Variants in ZFP30 observed in about 807,000 individuals in gnomAD.
The protein encoded by ZFP30 is zinc finger protein 30 homolog.
Under a neutral mutation model 12.3 loss-of-function variants are expected in ZFP30, and 16 were observed. The observed-to-expected ratio is 1.30, with a 90% CI of 0.88 to 1.98. The LOEUF is 1.98. Ranked by LOEUF, ZFP30 falls within the 30% of genes most tolerant of loss-of-function variation. ZFP30 has a pLI of 0.00. For synonymous variants in ZFP30, 172 were observed against 201.0 expected, an observed-to-expected ratio of 0.86 and a Z score of 1.22; for missense variants, 560 against 611.2, an observed-to-expected ratio of 0.92 and a Z score of 0.88.
chr19:37,636,073 T>C lies in ZFP30; in HGVS notation c.468A>G (p.Lys156=). 1 of 1,614,194 alleles carries C rather than the reference T, an allele frequency of 6.2e-7. No homozygotes were observed. Among genetic ancestry groups the C allele is most frequent in the East Asian group, 2.2e-5 (1 of 44,882 alleles). ...PLYQKSHNRE[K]PYECGECGKA... ...TCCCACATTCCCCACATTCGTAGGG[T>C]TTCTCTCTGTTATGACTTTTCTGAT... The change falls in exon 6 of 6, where the codon AAA becomes AAG. Residue 156 remains lysine, a synonymous_variant. Coordinates refer to ENST00000684514, the MANE Select transcript of ZFP30 (RefSeq NM_001320669.3).
chr19:37,638,082 A>C (rs1034838066), intron 5 of ZFP30, among the ~76,000 whole-genome samples: 8 of 152,212 alleles, frequency 5.3e-5, no homozygotes, highest in Non-Finnish European at 1.0e-4. Flanking sequence ...CTATCTCAGT[A>C]AAATATATAA....
intron 5 of ZFP30, among the ~76,000 whole-genome samples, chr19:37,641,869 A>G (rs565052049): frequency 6.6e-6 from 1 of 152,324 alleles, no homozygotes; most frequent in Non-Finnish European, 1.5e-5. Context: ...TATTTGTTGA[A>G]GAACCTGTTT....
rs1211832151 is a variant in ZFP30 at position 37,635,467 on chromosome 19, T to C, written c.1074A>G (p.Glu358=). 1 of 1,614,174 alleles carries C rather than the reference T, an allele frequency of 6.2e-7. No homozygotes were observed. ...HTGEKPYDCK[E]CGKTFSRGYH... is the part of the protein sequence containing the mutation. ...AGCCACGACTGAAAGTCTTCCCACATTCCTTACAATCATAAGGCTTCTCAC... is the reference window on the plus strand; with the variant it reads ...AGCCACGACTGAAAGTCTTCCCACACTCCTTACAATCATAAGGCTTCTCAC... The change falls in exon 6 of 6, where the codon GAA becomes GAG. Residue 358 remains glutamate (E), a synonymous_variant. Transcript: ENST00000684514.
At chr19:37,653,543 T>C (rs1026458495) in intron 2 of ZFP30, among the ~76,000 whole-genome samples, 8 of 152,202 alleles carry the variant, frequency 5.3e-5, no homozygotes, top group Non-Finnish European at 1.2e-4. Flanking sequence ...TTCTCAATAT[T>C]ACATTATACT....
At chr19:37,651,169 CT>C (rs1423735357) in intron 2 of ZFP30, among the ~76,000 whole-genome samples, 2 of 152,074 alleles carry the variant, frequency 1.3e-5, no homozygotes, top group Non-Finnish European at 2.9e-5. Context: ...TTGCATATGA[CT>C]TTTTTTTCTG....
Position 37,653,661 on chromosome 19 carries a change from G to A in ZFP30, c.-78+1051C>T, listed in dbSNP as rs867742327. ...ACTGCTAGATATTAATTTTATAAAAGAACATCCCGAAAGTCATTACCAGTT... is the reference window on the plus strand; with the variant it reads ...ACTGCTAGATATTAATTTTATAAAAAAACATCCCGAAAGTCATTACCAGTT... On this transcript the variant is annotated intron_variant, in intron 2 of 5. Transcript: ENST00000684514. Among the ~76,000 whole-genome samples the A allele has an allele frequency of 3.9e-5, 6 of 152,138 alleles. No homozygotes were observed. In the South Asian group the frequency reaches 1.2e-3, roughly 32 times the overall value.
In ZFP30 at chr19:37,635,123, T is replaced by C. The variant is rs1374313502; in HGVS notation, c.1418A>G (p.Lys473Arg). The change falls in exon 6 of 6, where the codon AAG (lysine) becomes AGG (arginine). Residue 473 changes from lysine to arginine, a missense_variant. Lys to Arg is a conservative substitution (Grantham distance 26, BLOSUM62 2). Transcript: ENST00000684514. The stretch of plus-strand genomic sequence containing the variant: ...CAGTGATGAATGAAGTCTAAAGGCC[T>C]TTCCACATTCCTTACAGTCATAGGG... Reference protein sequence around the residue: ...EKPYDCKECGKAFRLHSSLIQ... With the variant: ...EKPYDCKECGRAFRLHSSLIQ... 6.2e-7 allele frequency: 1 copy of C among 1,613,452 alleles called. No individual in the cohort carries two copies. Among genetic ancestry groups the C allele is most frequent in the Admixed American group, 1.7e-5 (1 of 59,944 alleles).
chr19:37,647,144 C>T (rs1440338882), intron 3 of ZFP30, among the ~76,000 whole-genome samples: 1 of 152,042 alleles, frequency 6.6e-6, no homozygotes, highest in South Asian at 2.1e-4. Flanking sequence ...CTATTTTAAT[C>T]CTGAGAATTT....
rs1269048845 is a variant in ZFP30, at chr19:37,636,074, TTC to T, written c.465_466del (p.Lys156ThrfsTer12). The T allele has an allele frequency of 5.6e-6, 9 of 1,614,086 alleles. No homozygotes were observed. In the Admixed American group the frequency reaches 6.7e-5, roughly 12 times the overall value. ...CCCACATTCCCCACATTCGTAGGGT[TTC>T]TCTCTGTTATGACTTTTCTGATACA... is the stretch of plus-strand genomic sequence containing the variant. On this transcript the variant is annotated frameshift_variant, in exon 6 of 6. Coordinates refer to ENST00000684514, the MANE Select transcript of ZFP30 (RefSeq NM_001320669.3). LOFTEE classifies it low-confidence loss of function (END_TRUNC).
intron 5 of ZFP30, among the ~76,000 whole-genome samples, chr19:37,642,720 A>C (rs1379121813): frequency 6.6e-6 from 1 of 152,090 alleles, no homozygotes; most frequent in Non-Finnish European, 1.5e-5. Context: ...GCTTTCCTCT[A>C]CTGAAATAGG....
chr19:37,640,863 T>C (rs1265173506), intron 5 of ZFP30, among the ~76,000 whole-genome samples: 1 of 152,122 alleles, frequency 6.6e-6, no homozygotes, highest in Non-Finnish European at 1.5e-5. Flanking sequence ...TTCTGGCTGA[T>C]ACAAGATTAT....
rs1450612850 is a variant in ZFP30, at chr19:37,636,188, T to C, written c.353A>G (p.Glu118Gly). Residue 118 changes from glutamate to glycine, a missense_variant, in exon 6 of 6, where the codon GAA (glutamate) becomes GGA (glycine). Glu to Gly is a moderately conservative substitution (Grantham distance 98). Coordinates refer to ENST00000684514, the MANE Select transcript of ZFP30 (RefSeq NM_001320669.3). ...RIKSCGLEEQESPHEVCFRQV... is the reference protein window; with the variant it reads ...RIKSCGLEEQGSPHEVCFRQV... Reference sequence around the variant, plus strand: ...CCTGAAACACACCTCATGAGGACTTTCTTGTTCTTCAAGTCCACAGCTTTT... The same window carrying C: ...CCTGAAACACACCTCATGAGGACTTCCTTGTTCTTCAAGTCCACAGCTTTT... 1.9e-6 allele frequency: 3 copies of C among 1,614,188 alleles called. No individual in the cohort carries two copies. Among genetic ancestry groups the C allele is most frequent in the African/African-American group, 1.3e-5 (1 of 75,070 alleles).
At chr19:37,656,050 G>A (rs932682402), upstream of ZFP30, 2 of 152,500 alleles carry the variant, frequency 1.3e-5, no homozygotes, top group Non-Finnish European at 2.9e-5. Flanking sequence ...AGTATCGCGA[G>A]CCTGGACCAA....
At chr19:37,655,791 C>T (rs2044747278), upstream of ZFP30, 1 of 151,966 alleles carries the variant, frequency 6.6e-6, no homozygotes, top group South Asian at 2.1e-4. Context: ...GGCTGCGAGC[C>T]CCGCCCCGCC....
chr19:37,650,192 C>T (rs1294063442), intron 2 of ZFP30, among the ~76,000 whole-genome samples: 1 of 151,580 alleles, frequency 6.6e-6, no homozygotes, highest in Non-Finnish European at 1.5e-5. Context: ...GATCTCAGCT[C>T]ACTGCAACCT....
intron 5 of ZFP30, among the ~76,000 whole-genome samples, chr19:37,640,699 C>T (rs1430250433): frequency 1.3e-5 from 2 of 150,714 alleles, no homozygotes; most frequent in Admixed American, 6.6e-5. Flanking sequence ...CCAGTCTGGG[C>T]AACATGGAGA....
intron 3 of ZFP30, among the ~76,000 whole-genome samples, chr19:37,646,251 C>T (rs1438251420): frequency 5.3e-5 from 8 of 152,026 alleles, no homozygotes; most frequent in African/African-American, 1.9e-4. Flanking sequence ...GGAATGTATC[C>T]CCCTTGGGTA....
chr19:37,648,595 G>A (rs1208629829), intron 2 of ZFP30, among the ~76,000 whole-genome samples: 6 of 152,180 alleles, frequency 3.9e-5, no homozygotes, highest in African/African-American at 1.4e-4. Flanking sequence ...CAACTTGCTA[G>A]GTCTCACTCC....
In ZFP30 at chr19:37,632,277, AGTGT is replaced by A. The variant is rs962910668; in HGVS notation, c.*2700_*2703del. 51 of 152,244 alleles carry A rather than the reference AGTGT, an allele frequency of 3.3e-4. No homozygotes were observed. Among genetic ancestry groups the A allele is most frequent in the African/African-American group, 1.2e-3 (48 of 41,558 alleles). The allele number at this position is 152,244 out of a possible 1,614,324, so 9.4% of individuals were successfully genotyped here. A position where few individuals can be genotyped will look rare whatever the true frequency, so the allele number is the denominator to read the frequency against. The stretch of plus-strand genomic sequence containing the variant: ...TTTCAATATTTTAAAATACATGTAT[AGTGT>A]GTGTATAAATATAAATATATATACC... On this transcript the variant is annotated 3_prime_UTR_variant, in exon 6 of 6. Transcript: ENST00000684514.
Sources: allele counts gnomAD v4.1 joint callset (sites outside exome capture counted in the v4.1 genomes callset), GRCh38; gene constraint gnomAD v4.1.1; transcripts MANE v1.5; gene names NCBI Gene and HGNC (gene_info 2026-07-23, HGNC 2026-07-21).